The following SEMA3E variants were observed in gnomAD, a reference collection of about 807,000 sequenced individuals.
SEMA3E encodes the protein semaphorin 3E, also known as semaphorin-3E.
In SEMA3E, 49 loss-of-function variants were observed where a neutral mutation model predicts 93.6. That is an observed-to-expected ratio of 0.52 (90% CI 0.42 to 0.66). The LOEUF is 0.66. SEMA3E is among the 30% of genes least tolerant of loss of function. The pLI, the probability that SEMA3E is intolerant of heterozygous loss-of-function variation, is 0.00. For synonymous variants in SEMA3E, 363 were observed against 330.7 expected (o/e 1.10, Z -1.06); for missense variants, 906 against 964.8 (o/e 0.94, Z 0.81).
chr7:83,545,942 T>C (rs779156019), intron 1 of SEMA3E, among the ~76,000 whole-genome samples: 175 of 146,668 alleles, frequency 1.2e-3, no homozygotes, highest in Non-Finnish European at 2.2e-3. Flanking sequence ...ATACTTCATT[T>C]AGTGCTAGGA....
chr7:83,418,843 A>G (rs554145435), intron 4 of SEMA3E, among the ~76,000 whole-genome samples: 1 of 152,236 alleles, frequency 6.6e-6, no homozygotes, highest in African/African-American at 2.4e-5. Flanking sequence ...GTTAAAAATG[A>G]TAGTGGGCTT....
chr7:83,561,143 A>G (rs1792021817), intron 1 of SEMA3E, among the ~76,000 whole-genome samples: 1 of 152,090 alleles, frequency 6.6e-6, no homozygotes, highest in African/African-American at 2.4e-5. Context: ...TGTATTTATC[A>G]AATTGTGCAC....
chr7:83,619,908 TAGATAGATAGATAGAC>T lies in SEMA3E; in HGVS notation c.115+28504_115+28519del, dbSNP rs963840527. On this transcript the variant is annotated intron_variant, in intron 1 of 16. Transcript: ENST00000643230. ...GATGATAGATAGATAGATAGACAGATAGATAGATAGATAGACAGATAGATAGATAGATAGATGCAAA... is the reference window on the plus strand; with the variant it reads ...GATGATAGATAGATAGATAGACAGATAGATAGATAGATAGATAGATGCAAA... 9.1e-5 allele frequency among the ~76,000 whole-genome samples: 11 copies of T among 121,372 alleles called. 1 individual carries two copies. Among genetic ancestry groups the T allele is most frequent in the Admixed American group, 5.1e-4 (6 of 11,790 alleles). The allele number at this position is 121,372 out of a possible 152,430, so 79.6% of individuals were successfully genotyped here.
chr7:83,533,756 G>A (rs1339874474), intron 1 of SEMA3E, among the ~76,000 whole-genome samples: 2 of 151,892 alleles, frequency 1.3e-5, no homozygotes, highest in African/African-American at 4.8e-5. Context: ...GTGCTTACCT[G>A]AGATCTGAAT....
intron 4 of SEMA3E, among the ~76,000 whole-genome samples, chr7:83,455,716 C>G (rs890332161): frequency 6.6e-6 from 1 of 152,178 alleles, no homozygotes; most frequent in African/African-American, 2.4e-5. Context: ...GTAAACTGAA[C>G]AGAAAGATTT....
At chr7:83,500,888 G>T (rs947431390) in intron 1 of SEMA3E, among the ~76,000 whole-genome samples, 11 of 152,032 alleles carry the variant, frequency 7.2e-5, no homozygotes, top group African/African-American at 2.4e-4. Flanking sequence ...ACCATGCCCG[G>T]CCTCTTCCTT....
At chr7:83,480,239 G>T (rs1000200286) in intron 2 of SEMA3E, among the ~76,000 whole-genome samples, 1 of 152,184 alleles carries the variant, frequency 6.6e-6, no homozygotes, top group South Asian at 2.1e-4. Context: ...TCAGGAGTTC[G>T]AGACCAGCCT....
At chr7:83,387,187 C>A (rs1787899063) in intron 14 of SEMA3E, 137 bp from the exon 15 acceptor site, 3 of 750,208 alleles carry the variant, frequency 4.0e-6, no homozygotes, top group Admixed American at 4.5e-5. Flanking sequence ...AGAATAAAAT[C>A]CAAGTTTCAT....
At chr7:83,638,769 T>A (rs957519739) in intron 1 of SEMA3E, among the ~76,000 whole-genome samples, 2 of 152,062 alleles carry the variant, frequency 1.3e-5, no homozygotes, top group African/African-American at 2.4e-5. Flanking sequence ...CAGCCCAGTG[T>A]TTCTCATAGC....
intron 2 of SEMA3E, among the ~76,000 whole-genome samples, chr7:83,477,898 A>C (rs965977869): frequency 6.6e-6 from 1 of 151,194 alleles, no homozygotes; most frequent in African/African-American, 2.4e-5. Context: ...ATATATATAG[A>C]TATACAAATT....
intron 1 of SEMA3E, among the ~76,000 whole-genome samples, chr7:83,530,449 A>T (rs576550040): frequency 6.6e-6 from 1 of 152,354 alleles, no homozygotes; most frequent in East Asian, 1.9e-4. Context: ...TAAAGTTGAT[A>T]CTACATATAT....
intron 3 of SEMA3E, among the ~76,000 whole-genome samples, chr7:83,468,575 A>T (rs2115888274): frequency 6.6e-6 from 1 of 152,172 alleles, no homozygotes; most frequent in Admixed American, 6.5e-5. Context: ...AACTGAAAAA[A>T]AGGTTAAGTT....
intron 1 of SEMA3E, among the ~76,000 whole-genome samples, chr7:83,606,576 C>T (rs1208110242): frequency 1.5e-5 from 2 of 136,710 alleles, no homozygotes; most frequent in East Asian, 2.2e-4. Flanking sequence ...ATCACATGGA[C>T]ACAGGAAGGG....
rs183468574 is a variant in SEMA3E at position 83,532,552 on chromosome 7, C to T, written c.116-42278G>A. Among the ~76,000 whole-genome samples the T allele has an allele frequency of 3.3e-5, 5 of 152,136 alleles. No individual in the cohort carries two copies. The South Asian group carries it at 6.2e-4, about 19-fold the overall frequency. ...GATGTAACCCTTTCCTTAAGAAGAA[C>T]GTAAAGACAAATGTATTGCCCTGGT... On this transcript the variant is annotated intron_variant, in intron 1 of 16. Transcript: ENST00000643230.
chr7:83,381,601 T>TA (rs1339920007), intron 16 of SEMA3E, among the ~76,000 whole-genome samples: 4 of 152,020 alleles, frequency 2.6e-5, no homozygotes, highest in African/African-American at 7.2e-5. Context: ...TTATTGTTAT[T>TA]ATTTTCTTTC....
At chr7:83,540,030 A>T (rs1420204650) in intron 1 of SEMA3E, among the ~76,000 whole-genome samples, 2 of 151,730 alleles carry the variant, frequency 1.3e-5, no homozygotes, top group Non-Finnish European at 2.9e-5. Flanking sequence ...ACAGGCACTC[A>T]CCACCACTAT....
intron 1 of SEMA3E, among the ~76,000 whole-genome samples, chr7:83,540,762 T>G (rs1326837465): frequency 6.6e-6 from 1 of 151,438 alleles, no homozygotes; most frequent in African/African-American, 2.4e-5. Context: ...TGCATTTTGA[T>G]TCAACTTTCC....
At chr7:83,550,097 A>G (rs1446842357) in intron 1 of SEMA3E, among the ~76,000 whole-genome samples, 6 of 152,170 alleles carry the variant, frequency 3.9e-5, no homozygotes, top group African/African-American at 1.4e-4. Context: ...TATGTTAAAG[A>G]AACATCGTAA....
intron 4 of SEMA3E, among the ~76,000 whole-genome samples, chr7:83,420,732 C>T (rs934917510): frequency 6.6e-6 from 1 of 152,058 alleles, no homozygotes; most frequent in African/African-American, 2.4e-5. Context: ...GAAAGGACTC[C>T]CTATTCAATA....
Sources: gnomAD v4.1 joint callset for allele counts (sites outside exome capture counted in the v4.1 genomes callset) on GRCh38, gnomAD v4.1.1 for gene constraint, MANE v1.5 for transcripts, NCBI Gene and HGNC (gene_info 2026-07-23, HGNC 2026-07-21) for gene names.